Variants in KCNQ5 observed in about 807,000 individuals in gnomAD.
The protein encoded by KCNQ5 is potassium voltage-gated channel subfamily Q member 5, also known as potassium voltage-gated channel subfamily KQT member 5.
KCNQ5 carries 30 observed loss-of-function variants against 98.2 expected under a neutral mutation model. The observed-to-expected ratio is 0.31, with a 90% CI of 0.23 to 0.41. KCNQ5 has a LOEUF of 0.41. Among genes scored for constraint, KCNQ5 ranks in the 10% least tolerant of loss-of-function variants. KCNQ5 has a pLI of 1.00. For synonymous variants in KCNQ5, 458 were observed against 449.4 expected (o/e 1.02, Z -0.24); for missense variants, 835 against 1,182.5 (o/e 0.71, Z 4.31).
At chr6:73,157,846 A>G (rs1323155756) in intron 10 of KCNQ5, 1 of 779,576 alleles carries the variant, frequency 1.3e-6, no homozygotes, top group African/African-American at 1.7e-5. Context: ...CTCTAGCCTC[A>G]TGATCTGTGG....
At chr6:73,168,974 T>C (rs1052873702) in intron 10 of KCNQ5, among the ~76,000 whole-genome samples, 4 of 152,214 alleles carry the variant, frequency 2.6e-5, no homozygotes, top group African/African-American at 9.6e-5. Context: ...AACCTACCAA[T>C]ATTCATTTGA....
At chr6:72,886,718 C>A (rs1259394235) in intron 1 of KCNQ5, among the ~76,000 whole-genome samples, 1 of 152,060 alleles carries the variant, frequency 6.6e-6, no homozygotes, top group Non-Finnish European at 1.5e-5. Flanking sequence ...ATTAGACTGA[C>A]AATTCTTAGC....
intron 1 of KCNQ5, among the ~76,000 whole-genome samples, chr6:72,646,850 T>G (rs1036107299): frequency 6.6e-6 from 1 of 152,212 alleles, no homozygotes; most frequent in Non-Finnish European, 1.5e-5. Flanking sequence ...TTATACACTT[T>G]AGTCATATTT....
At chr6:72,769,615 G>T (rs1772754996) in intron 1 of KCNQ5, among the ~76,000 whole-genome samples, 1 of 151,878 alleles carries the variant, frequency 6.6e-6, no homozygotes, top group Admixed American at 6.6e-5. Context: ...ATTTCCTGTA[G>T]AAATGCACAG....
intron 1 of KCNQ5, among the ~76,000 whole-genome samples, chr6:72,969,308 G>A (rs745514453): frequency 9.9e-5 from 15 of 152,038 alleles, no homozygotes; most frequent in Admixed American, 2.6e-4. Flanking sequence ...TTTGTGTTGG[G>A]TATTTATAAA....
intron 1 of KCNQ5, among the ~76,000 whole-genome samples, chr6:72,912,761 C>A (rs939979559): frequency 1.3e-5 from 2 of 152,106 alleles, no homozygotes; most frequent in African/African-American, 4.8e-5. Context: ...CCAATGCTAT[C>A]TTTGTTGTAT....
chr6:72,841,709 A>T (rs1776802155), intron 1 of KCNQ5, among the ~76,000 whole-genome samples: 1 of 152,114 alleles, frequency 6.6e-6, no homozygotes, highest in Admixed American at 6.6e-5. Context: ...TATATTTCAT[A>T]TAAGCATGAA....
intron 1 of KCNQ5, among the ~76,000 whole-genome samples, chr6:72,781,174 G>A (rs1443212846): frequency 6.6e-6 from 1 of 152,064 alleles, no homozygotes; most frequent in East Asian, 1.9e-4. Context: ...GAGAAGAGGG[G>A]ACACACAGAA....
chr6:72,625,286 G>A (rs2098917502), intron 1 of KCNQ5, among the ~76,000 whole-genome samples: 1 of 152,190 alleles, frequency 6.6e-6, no homozygotes, highest in Non-Finnish European at 1.5e-5. Context: ...TAGGATGGCT[G>A]GACAGAGCAA....
intron 8 of KCNQ5, 104 bp from the exon 9 acceptor site, chr6:73,124,382 C>G (rs1562192862): frequency 5.3e-6 from 5 of 951,362 alleles, no homozygotes; most frequent in African/African-American, 4.9e-5. Context: ...AAAAGAGTTA[C>G]TTAAGGTATT....
At chr6:72,817,111 T>TA (rs1479978059) in intron 1 of KCNQ5, among the ~76,000 whole-genome samples, 1 of 152,200 alleles carries the variant, frequency 6.6e-6, no homozygotes, top group Non-Finnish European at 1.5e-5. Context: ...TGCCTACTTC[T>TA]ACAACCAAGA....
intron 1 of KCNQ5, among the ~76,000 whole-genome samples, chr6:72,973,004 T>G (rs1013828655): frequency 2.0e-5 from 3 of 152,184 alleles, no homozygotes; most frequent in Non-Finnish European, 4.4e-5. Context: ...GGCCTTCTAA[T>G]GTGTAATTCA....
At chr6:72,718,585 G>C (rs1270525908) in intron 1 of KCNQ5, among the ~76,000 whole-genome samples, 1 of 151,320 alleles carries the variant, frequency 6.6e-6, no homozygotes, top group East Asian at 1.9e-4. Context: ...CGAGTAGCTG[G>C]GACTACAGGT....
At chr6:72,725,514 G>A (rs1052279418) in intron 1 of KCNQ5, among the ~76,000 whole-genome samples, 1 of 152,170 alleles carries the variant, frequency 6.6e-6, no homozygotes, top group Non-Finnish European at 1.5e-5. Context: ...GCCAGAGGCT[G>A]AGGGAGGGAG....
chr6:73,081,986 C>G (rs1773796031), intron 5 of KCNQ5, among the ~76,000 whole-genome samples: 1 of 152,190 alleles, frequency 6.6e-6, no homozygotes, highest in Admixed American at 6.5e-5. Context: ...CATTTCCAAC[C>G]CACAGATTTT....
At chr6:72,629,374 A>T (rs2098919619) in intron 1 of KCNQ5, among the ~76,000 whole-genome samples, 1 of 147,764 alleles carries the variant, frequency 6.8e-6, no homozygotes, top group Non-Finnish European at 1.5e-5. Context: ...TACTGTGCTG[A>T]TATATAAAAT....
intron 1 of KCNQ5, among the ~76,000 whole-genome samples, chr6:72,695,402 T>C (rs1472150753): frequency 1.3e-5 from 2 of 152,186 alleles, no homozygotes; most frequent in Non-Finnish European, 2.9e-5. Context: ...TCCCGTACTT[T>C]CCTCTTATAT....
At chr6:72,943,300 G>A (rs987015878) in intron 1 of KCNQ5, among the ~76,000 whole-genome samples, 2 of 152,120 alleles carry the variant, frequency 1.3e-5, no homozygotes, top group African/African-American at 2.4e-5. Flanking sequence ...ATAGGGAATT[G>A]AACATAAAGA....
chr6:72,795,599 C>G (rs912690035), intron 1 of KCNQ5, among the ~76,000 whole-genome samples: 2 of 151,950 alleles, frequency 1.3e-5, no homozygotes, highest in Non-Finnish European at 2.9e-5. Flanking sequence ...TTGCTAATTG[C>G]AAAAACTGGT....
Sources: allele counts gnomAD v4.1 joint callset (sites outside exome capture counted in the v4.1 genomes callset), GRCh38; gene constraint gnomAD v4.1.1; transcripts MANE v1.5; gene names NCBI Gene and HGNC (gene_info 2026-07-23, HGNC 2026-07-21).